CD58: variants seen among roughly 807,000 people sequenced by gnomAD.
CD58 encodes the protein lymphocyte function-associated antigen 3.
CD58 carries 14 observed loss-of-function variants against 27.6 expected under a neutral mutation model. The ratio of observed to expected loss-of-function variants is 0.51; its 90% CI spans 0.34 to 0.79. The LOEUF (loss-of-function observed/expected upper bound fraction) is 0.79, where lower values mean the gene tolerates loss of function less well. CD58 is among the 30% of genes least tolerant of loss of function. The probability of loss-of-function intolerance (pLI) is 0.02; values close to 1 mark genes in which losing one functional copy is unlikely to be tolerated. For synonymous variants in CD58, 117 were observed against 103.8 expected (o/e 1.13, Z -0.77); for missense variants, 268 against 301.7 (o/e 0.89, Z 0.83).
In CD58 at chr1:116,570,619, G is replaced by T. The variant is rs2101245631; in HGVS notation, c.70+284C>A. Among the ~76,000 whole-genome samples, 1 of 152,270 alleles carries T rather than the reference G, an allele frequency of 6.6e-6. No individual in the cohort carries two copies. Among genetic ancestry groups the T allele is most frequent in the East Asian group, 1.9e-4 (1 of 5,162 alleles). On this transcript the variant is annotated intron_variant, in intron 1 of 5. Transcript: ENST00000369489. The surrounding 1 kb of genome is among the most constrained non-coding windows in gnomAD (Gnocchi z 6.4). ...CTTGGTCACTGGAGCTCGGGAGGGG[G>T]CCGGCGGGGGGGCGCAGGCCCCGCA...
At chr1:116,545,754 T>G (rs1258343658) in intron 1 of CD58, among the ~76,000 whole-genome samples, 1 of 152,198 alleles carries the variant, frequency 6.6e-6, no homozygotes, top group Non-Finnish European at 1.5e-5. Flanking sequence ...AGAAACTGAC[T>G]AATGCTTCAC....
intron 2 of CD58, among the ~76,000 whole-genome samples, chr1:116,542,553 A>G (rs1427654447): frequency 6.6e-6 from 1 of 152,228 alleles, no homozygotes; most frequent in Non-Finnish European, 1.5e-5. Flanking sequence ...TTTTCTATAA[A>G]GTGAAGACAG....
chr1:116,518,673 G>A lies in CD58; in HGVS notation c.743+558C>T, dbSNP rs531377720. ...TGCCTCCTGACCACCAGTGGGATCT[G>A]CCAGGAGGGGGCCTCTTGGAGCACC... On this transcript the variant is annotated intron_variant, in intron 5 of 5. Transcript: ENST00000369489. 13 of 986,872 alleles carry A rather than the reference G, an allele frequency of 1.3e-5. No homozygotes were observed. The South Asian group carries it at 6.1e-4, about 46-fold the overall frequency. The allele number at this position is 986,872 out of a possible 1,614,324, so 61.1% of individuals were successfully genotyped here. A position where few individuals can be genotyped will look rare whatever the true frequency, so the allele number is the denominator to read the frequency against.
chr1:116,530,209 C>CTT (rs113109056), intron 3 of CD58, among the ~76,000 whole-genome samples: 56 of 143,448 alleles, frequency 3.9e-4, no homozygotes, highest in East Asian at 3.3e-3. Context: ...TCTCCTCATT[C>CTT]TTTTTTTTTT....
At chr1:116,568,560 T>C (rs1249257055) in intron 1 of CD58, among the ~76,000 whole-genome samples, 3 of 152,244 alleles carry the variant, frequency 2.0e-5, no homozygotes, top group African/African-American at 7.2e-5. Context: ...CTCATTTACT[T>C]ACTGTCTCTC....
Position 116,519,310 on chromosome 1 carries a change from G to T in CD58, c.707-43C>A. 1 of 1,577,692 alleles carries T rather than the reference G, an allele frequency of 6.3e-7. No individual in the cohort carries two copies. The highest frequency in any genetic ancestry group is 8.7e-7 in the Non-Finnish European group (1 of 1,153,208). The stretch of plus-strand genomic sequence containing the variant: ...GTCTTCTCAATTAAAGAACTGAAAA[G>T]AAAAGGTGAAATGTGGAGTTACTGA... On this transcript the variant is annotated intron_variant, in intron 4 of 5. Transcript: ENST00000369489. This position sits in a 1 kb window ranked among gnomAD's most constrained non-coding sequence, Gnocchi z 4.7.
Position 116,532,977 on chromosome 1 carries a change from TG to T in CD58, c.628+2987del. The T allele has an allele frequency of 1.1e-6, 1 of 898,788 alleles. No individual in the cohort carries two copies. The highest frequency in any genetic ancestry group is 1.8e-6 in the Non-Finnish European group (1 of 567,166). The allele number at this position is 898,788 out of a possible 1,614,324, so 55.7% of individuals were successfully genotyped here. ...TCCGCCGGCTGGCTGGGTTCCTTGTTGGGATTAATTTCCACCTCATCCTCAT... is the reference window on the plus strand; with the variant it reads ...TCCGCCGGCTGGCTGGGTTCCTTGTTGGATTAATTTCCACCTCATCCTCAT... On this transcript the variant is annotated intron_variant, in intron 3 of 5. Coordinates refer to ENST00000369489, the MANE Select transcript of CD58 (RefSeq NM_001779.3). The surrounding 1 kb of genome is among the most constrained non-coding windows in gnomAD (Gnocchi z 5.1).
Position 116,570,825 on chromosome 1 carries a change from C to G in CD58, c.70+78G>C. ...GTCTCTGATCGGCAACCGCCTCGAG[C>G]CCGGCGCGTCCACCCAGCCTGGGTG... On this transcript the variant is annotated intron_variant, in intron 1 of 5. Coordinates refer to ENST00000369489, the MANE Select transcript of CD58 (RefSeq NM_001779.3). The surrounding 1 kb of genome is among the most constrained non-coding windows in gnomAD (Gnocchi z 6.4). The G allele has an allele frequency of 1.7e-6, 2 of 1,193,842 alleles. No homozygotes were observed. Among genetic ancestry groups the G allele is most frequent in the South Asian group, 1.4e-5 (1 of 70,588 alleles). 74.0% of individuals were successfully genotyped at this position (1,193,842 alleles called of 1,614,324 possible).
At position 116,521,355 on chromosome 1, in the gene CD58, A is replaced by AT. The variant is rs746817642; in HGVS notation, c.706+550dup. Among the ~76,000 whole-genome samples, 1 of 152,322 alleles carries AT rather than the reference A, an allele frequency of 6.6e-6. No individual in the cohort carries two copies. Among genetic ancestry groups the AT allele is most frequent in the South Asian group, 2.1e-4 (1 of 4,828 alleles). ...CTTTGGGATTTGAGAGGGATTACTC[A>AT]TTACCAGGAATGAACAGGCTGGGAA... On this transcript the variant is annotated intron_variant, in intron 4 of 5. Coordinates refer to ENST00000369489, the MANE Select transcript of CD58 (RefSeq NM_001779.3). This position sits in a 1 kb window ranked among gnomAD's most constrained non-coding sequence, Gnocchi z 5.6.
chr1:116,517,496 G>T lies in CD58; in HGVS notation c.743+1735C>A, dbSNP rs1190817105. Among the ~76,000 whole-genome samples the T allele has an allele frequency of 6.6e-6, 1 of 152,164 alleles. No individual in the cohort carries two copies. The highest frequency in any genetic ancestry group is 1.9e-4 in the East Asian group (1 of 5,186). ...ATCCCACCTCACCTAGGCCCTTGCT[G>T]CTGCTTAGCCACCCTCACTTCATCC... On this transcript the variant is annotated intron_variant, in intron 5 of 5. Coordinates refer to ENST00000369489, the MANE Select transcript of CD58 (RefSeq NM_001779.3). This position sits in a 1 kb window ranked among gnomAD's most constrained non-coding sequence, Gnocchi z 6.5.
Position 116,524,152 on chromosome 1 carries a change from C to G in CD58, c.629-2169G>C, listed in dbSNP as rs1321893191. On this transcript the variant is annotated intron_variant, in intron 3 of 5. Coordinates refer to ENST00000369489, the MANE Select transcript of CD58 (RefSeq NM_001779.3). This position sits in a 1 kb window ranked among gnomAD's most constrained non-coding sequence, Gnocchi z 4.6. ...AGGCTTATTTTAATGCATTCCATGC[C>G]CCAGGTATGGAATCAGCCAACTGTC... 6.6e-6 allele frequency among the ~76,000 whole-genome samples: 1 copy of G among 151,988 alleles called. No individual in the cohort carries two copies. Among genetic ancestry groups the G allele is most frequent in the Non-Finnish European group, 1.5e-5 (1 of 68,014 alleles).
chr1:116,542,055 G>A (rs962374353), intron 2 of CD58, among the ~76,000 whole-genome samples: 3 of 152,226 alleles, frequency 2.0e-5, no homozygotes, highest in African/African-American at 7.2e-5. Flanking sequence ...AAGGCAGGTG[G>A]ATCACCTGAG....
rs539094706 is a variant in CD58 at position 116,550,140 on chromosome 1, T to G, written c.71-5536A>C. ...GCTGCTGACTGATCAGGGTGTTGGT[T>G]GCTAAAGGCTGCAATGGCTGTGGCA... is the stretch of plus-strand genomic sequence containing the variant. On this transcript the variant is annotated intron_variant, in intron 1 of 5. Transcript: ENST00000369489. The surrounding 1 kb of genome is among the most constrained non-coding windows in gnomAD (Gnocchi z 4.2). Among the ~76,000 whole-genome samples the G allele has an allele frequency of 4.6e-5, 7 of 152,350 alleles. No individual in the cohort carries two copies. In the South Asian group the frequency reaches 1.2e-3, roughly 27 times the overall value.
Position 116,521,808 on chromosome 1 carries a change from C to G in CD58, c.706+98G>C. On this transcript the variant is annotated intron_variant, in intron 4 of 5. Transcript: ENST00000369489. The surrounding 1 kb of genome is among the most constrained non-coding windows in gnomAD (Gnocchi z 5.6). ...AAAGTTTTTGTTTCTTTTCAAATGT[C>G]TAAAATTTCAAACTTTATTTTCATC... The G allele has an allele frequency of 1.2e-6, 1 of 810,976 alleles. No individual in the cohort carries two copies. The highest frequency in any genetic ancestry group is 2.0e-6 in the Non-Finnish European group (1 of 491,746). 50.2% of individuals were successfully genotyped at this position (810,976 alleles called of 1,614,324 possible).
intron 5 of CD58, among the ~76,000 whole-genome samples, chr1:116,518,450 T>C (rs561001672): frequency 6.6e-6 from 1 of 152,060 alleles, no homozygotes; most frequent in Non-Finnish European, 1.5e-5. Context: ...GCTAGAAAAC[T>C]CTGCGGTTCT....
At position 116,536,122 on chromosome 1, in the gene CD58, G is replaced by A; in HGVS notation, c.471C>T (p.Tyr157=). ...ATTGCTCCATAGGACAATCCCATGA[G>A]TACATTATAAGTCCTCGATGGCTGT... The part of the protein sequence containing the change: ...HYNSHRGLIM[Y]SWDCPMEQCK... Residue 157 remains tyrosine, a synonymous_variant, in exon 3 of 6, where the codon TAC becomes TAT. Transcript: ENST00000369489. The surrounding 1 kb of genome is among the most constrained non-coding windows in gnomAD (Gnocchi z 5.4). 1 of 1,613,702 alleles carries A rather than the reference G, an allele frequency of 6.2e-7. No individual in the cohort carries two copies. Among genetic ancestry groups the A allele is most frequent in the Non-Finnish European group, 8.5e-7 (1 of 1,179,758 alleles).
chr1:116,520,752 T>C (rs1024437337), intron 4 of CD58, among the ~76,000 whole-genome samples: 17 of 152,202 alleles, frequency 1.1e-4, no homozygotes, highest in African/African-American at 4.1e-4. Context: ...ATTTTATGCA[T>C]TGGGCAATAG....
rs1658601689 is a variant in CD58 at position 116,557,482 on chromosome 1, A to G, written c.71-12878T>C. 6.6e-6 allele frequency among the ~76,000 whole-genome samples: 1 copy of G among 152,158 alleles called. No individual in the cohort carries two copies. The highest frequency in any genetic ancestry group is 6.5e-5 in the Admixed American group (1 of 15,272). On this transcript the variant is annotated intron_variant, in intron 1 of 5. Coordinates refer to ENST00000369489, the MANE Select transcript of CD58 (RefSeq NM_001779.3). This position sits in a 1 kb window ranked among gnomAD's most constrained non-coding sequence, Gnocchi z 5.2. ...TCTCAAGTTTAAGTAGATTTTACCA[A>G]CTAAGTGTTATAGGATGCAGGGCAC...
In CD58 at chr1:116,524,911, A is replaced by C. The variant is rs1008844070; in HGVS notation, c.629-2928T>G. On this transcript the variant is annotated intron_variant, in intron 3 of 5. Transcript: ENST00000369489. This position sits in a 1 kb window ranked among gnomAD's most constrained non-coding sequence, Gnocchi z 4.6. ...TAGTAAGTTAGCTTCACTTGGCTTTAAATATTTTGAGTTTCAGGTTCACAA... is the reference window on the plus strand; with the variant it reads ...TAGTAAGTTAGCTTCACTTGGCTTTCAATATTTTGAGTTTCAGGTTCACAA... Among the ~76,000 whole-genome samples, 33 of 152,240 alleles carry C rather than the reference A, an allele frequency of 2.2e-4. No individual in the cohort carries two copies. Among genetic ancestry groups the C allele is most frequent in the African/African-American group, 7.7e-4 (32 of 41,456 alleles).
Sources: allele counts gnomAD v4.1 joint callset (sites outside exome capture counted in the v4.1 genomes callset), GRCh38; gene constraint gnomAD v4.1.1; non-coding constraint Gnocchi (gnomAD v3.1); transcripts MANE v1.5; gene names NCBI Gene and HGNC (gene_info 2026-07-23, HGNC 2026-07-21).